Variants in WWOX observed in about 807,000 individuals in gnomAD.
WWOX encodes the protein WW domain-containing oxidoreductase.
In WWOX, 69 loss-of-function variants were observed where a neutral mutation model predicts 46.2. The ratio of observed to expected loss-of-function variants is 1.49; its 90% CI spans 1.23 to 1.82. The LOEUF is 1.82. Among genes scored for constraint, WWOX ranks in the 40% most tolerant of loss-of-function variants. The pLI is 0.00. For synonymous variants in WWOX, 359 were observed against 202.6 expected (o/e 1.77, Z -6.56); for missense variants, 919 against 542.6 (o/e 1.69, Z -6.89).
intron 8 of WWOX, among the ~76,000 whole-genome samples, chr16:79,107,431 T>C (rs147635176): frequency 5.3e-4 from 80 of 152,362 alleles, no homozygotes; most frequent in African/African-American, 1.7e-3. Context: ...ATCCTTGCTG[T>C]TCTGTTTTTC....
chr16:78,144,498 CACAT>C lies in WWOX; in HGVS notation c.410-19683_410-19680del, dbSNP rs1487738202. Among the ~76,000 whole-genome samples the C allele has an allele frequency of 2.0e-3, 31 of 15,280 alleles. 1 individual carries two copies. The highest frequency in any genetic ancestry group is 4.7e-3 in the South Asian group (2 of 422). 10.0% of individuals were successfully genotyped at this position (15,280 alleles called of 152,430 possible). A position where few individuals can be genotyped will look rare whatever the true frequency, so the allele number is the denominator to read the frequency against. ...ATATATATATATATACACACACACA[CACAT>C]ATATATATATATATATATATATTTT... On this transcript the variant is annotated intron_variant, in intron 4 of 8. Coordinates refer to ENST00000566780, the MANE Select transcript of WWOX (RefSeq NM_016373.4).
At chr16:79,058,295 GAAA>G (rs1454615535) in intron 8 of WWOX, among the ~76,000 whole-genome samples, 2 of 152,040 alleles carry the variant, frequency 1.3e-5, no homozygotes, top group African/African-American at 4.8e-5. Context: ...AAATGAGAGA[GAAA>G]AAAATAATTC....
At chr16:78,586,048 C>CA (rs1555568976) in intron 8 of WWOX, among the ~76,000 whole-genome samples, 2 of 151,724 alleles carry the variant, frequency 1.3e-5, no homozygotes, top group South Asian at 2.1e-4. Context: ...AAAACAACAA[C>CA]AACAAACAAA....
chr16:78,400,377 A>C (rs940354240), intron 6 of WWOX, among the ~76,000 whole-genome samples: 4 of 152,158 alleles, frequency 2.6e-5, no homozygotes, highest in African/African-American at 9.7e-5. Flanking sequence ...AACTCCTGAG[A>C]GACTGACAGG....
intron 5 of WWOX, chr16:78,281,085 C>G (rs1410148634): frequency 6.6e-6 from 1 of 152,110 alleles, no homozygotes; most frequent in East Asian, 1.9e-4. Context: ...AGTCGATATG[C>G]TAGAGTGATG....
intron 8 of WWOX, among the ~76,000 whole-genome samples, chr16:78,931,992 T>G (rs964551148): frequency 6.6e-6 from 1 of 152,220 alleles, no homozygotes; most frequent in South Asian, 2.1e-4. Flanking sequence ...CTGCTGCCAT[T>G]TAAGACATGT....
intron 3 of WWOX, among the ~76,000 whole-genome samples, chr16:78,113,471 C>G (rs1300432908): frequency 6.6e-6 from 1 of 152,158 alleles, no homozygotes; most frequent in Non-Finnish European, 1.5e-5. Flanking sequence ...ACTTTATTTA[C>G]AGAAACAGGC....
Position 79,000,263 on chromosome 16 carries a change from T to C in WWOX, c.1057-211345T>C, listed in dbSNP as rs146724523. ...GCCTGGCAAATTCTCCTCCTTCCTT[T>C]AGATCCCATCTCTGGTAGACAGAGT... is the stretch of plus-strand genomic sequence containing the variant. On this transcript the variant is annotated intron_variant, in intron 8 of 8. Transcript: ENST00000566780. Among the ~76,000 whole-genome samples the C allele has an allele frequency of 9.4e-3, 1,434 of 152,278 alleles. 10 individuals are homozygous for C. The highest frequency in any genetic ancestry group is 0.023 in the South Asian group (109 of 4,828).
chr16:78,101,123 CT>C (rs1023953477), intron 1 of WWOX, among the ~76,000 whole-genome samples: 9 of 151,686 alleles, frequency 5.9e-5, no homozygotes, highest in African/African-American at 1.9e-4. Flanking sequence ...TCTCGGCTCA[CT>C]GCAGCCTCCG....
chr16:78,581,304 A>G (rs556615798), intron 8 of WWOX, among the ~76,000 whole-genome samples: 7 of 152,318 alleles, frequency 4.6e-5, no homozygotes, highest in Admixed American at 1.3e-4. Context: ...CTGGAAGCCA[A>G]CCTTTTCTAT....
intron 8 of WWOX, among the ~76,000 whole-genome samples, chr16:78,770,606 G>C (rs1023640948): frequency 2.0e-5 from 3 of 152,188 alleles, no homozygotes; most frequent in East Asian, 3.9e-4. Flanking sequence ...TGCCTACCAA[G>C]GAAGTCTCTG....
chr16:78,934,337 C>CA lies in WWOX; in HGVS notation c.1057-277257dup, dbSNP rs747448353. On this transcript the variant is annotated intron_variant, in intron 8 of 8. Transcript: ENST00000566780. ...TGGGCGACAGAGCAAGTCTCCGTCT[C>CA]AAAAAAAAAAAAAAGAAGAAACTTA... 1.9e-3 allele frequency among the ~76,000 whole-genome samples: 146 copies of CA among 78,274 alleles called. 10 individuals are homozygous for CA. The highest frequency in any genetic ancestry group is 4.0e-3 in the African/African-American group (71 of 17,556). 51.4% of individuals were successfully genotyped at this position (78,274 alleles called of 152,430 possible).
chr16:78,157,951 G>T (rs915806479), intron 4 of WWOX, among the ~76,000 whole-genome samples: 4 of 152,164 alleles, frequency 2.6e-5, no homozygotes, highest in African/African-American at 9.7e-5. Flanking sequence ...ATTATGTTAG[G>T]CTCTCAATAT....
At chr16:78,571,372 T>A (rs568651799) in intron 8 of WWOX, among the ~76,000 whole-genome samples, 2 of 152,158 alleles carry the variant, frequency 1.3e-5, no homozygotes, top group African/African-American at 2.4e-5. Flanking sequence ...AATGTGTATA[T>A]ATATATATAG....
At chr16:78,617,026 A>T (rs2046042216) in intron 8 of WWOX, among the ~76,000 whole-genome samples, 1 of 152,220 alleles carries the variant, frequency 6.6e-6, no homozygotes, top group South Asian at 2.1e-4. Context: ...TGATTTTGGC[A>T]GCCTTGCCAT....
At chr16:79,031,938 A>G (rs2047769401) in intron 8 of WWOX, among the ~76,000 whole-genome samples, 1 of 141,736 alleles carries the variant, frequency 7.1e-6, no homozygotes, top group Admixed American at 7.3e-5. Flanking sequence ...ATATCTGTAT[A>G]CAGATATCTG....
chr16:78,692,766 G>C (rs1365579730), intron 8 of WWOX, among the ~76,000 whole-genome samples: 2 of 152,194 alleles, frequency 1.3e-5, no homozygotes, highest in Non-Finnish European at 2.9e-5. Flanking sequence ...GTGGCCCCAG[G>C]TTTCCCTGTT....
At position 78,350,791 on chromosome 16, in the gene WWOX, T is replaced by G. The variant is rs1365972931; in HGVS notation, c.517-36069T>G. On this transcript the variant is annotated intron_variant, in intron 5 of 8. Transcript: ENST00000566780. ...TACACATTTTTGTGTGGATATAGGT[T>G]TACCTTTTTTGGGGTATGCTCCTAA... Among the ~76,000 whole-genome samples the G allele has an allele frequency of 3.3e-5, 4 of 120,470 alleles. 2 individuals carry two copies. The highest frequency in any genetic ancestry group is 7.9e-5 in the Non-Finnish European group (4 of 50,486). 79.0% of individuals were successfully genotyped at this position (120,470 alleles called of 152,430 possible).
At chr16:78,801,790 T>G (rs1478117774) in intron 8 of WWOX, among the ~76,000 whole-genome samples, 15 of 152,198 alleles carry the variant, frequency 9.9e-5, no homozygotes. Flanking sequence ...AAAGGGACAT[T>G]TCATTTTTTT....
Sources: allele counts gnomAD v4.1 joint callset (sites outside exome capture counted in the v4.1 genomes callset), GRCh38; gene constraint gnomAD v4.1.1; transcripts MANE v1.5; gene names NCBI Gene and HGNC (gene_info 2026-07-23, HGNC 2026-07-21).